Variants in LHFPL3 observed in about 807,000 individuals in gnomAD.
The protein encoded by LHFPL3 is LHFPL tetraspan subfamily member 3 protein.
LHFPL3 carries 5 observed loss-of-function variants against 19.3 expected under a neutral mutation model. That is an observed-to-expected ratio of 0.26 (90% CI 0.14 to 0.54). The LOEUF (loss-of-function observed/expected upper bound fraction) is 0.54, where lower values mean the gene tolerates loss of function less well. Ranked by LOEUF, LHFPL3 falls within the 20% of genes least tolerant of loss-of-function variation. The pLI, the probability that LHFPL3 is intolerant of heterozygous loss-of-function variation, is 0.94. For synonymous variants in LHFPL3, 133 were observed against 126.2 expected (o/e 1.05, Z -0.36); for missense variants, 249 against 307.4 (o/e 0.81, Z 1.42).
chr7:104,384,803 A>G (rs1190289642), intron 1 of LHFPL3, among the ~76,000 whole-genome samples: 1 of 151,362 alleles, frequency 6.6e-6, no homozygotes, highest in East Asian at 1.9e-4. Flanking sequence ...AAAAAAAAAA[A>G]AAAAAAAAGA....
At chr7:104,704,310 G>T (rs895356849) in intron 1 of LHFPL3, among the ~76,000 whole-genome samples, 7 of 152,076 alleles carry the variant, frequency 4.6e-5, no homozygotes, top group African/African-American at 1.7e-4. Flanking sequence ...TTTCTAGACT[G>T]CTTCAAAATT....
At chr7:104,660,684 T>C (rs551991149) in intron 1 of LHFPL3, among the ~76,000 whole-genome samples, 10 of 152,362 alleles carry the variant, frequency 6.6e-5, no homozygotes, top group African/African-American at 2.4e-4. Context: ...TAGATTATCT[T>C]GACTTCTGTC....
At chr7:104,516,152 G>A (rs1793916443) in intron 1 of LHFPL3, among the ~76,000 whole-genome samples, 1 of 152,080 alleles carries the variant, frequency 6.6e-6, no homozygotes, top group South Asian at 2.1e-4. Context: ...TACAATCATG[G>A]CAGAAGGGGA....
In LHFPL3 at chr7:104,742,740, G is replaced by C. The variant is rs896534762; in HGVS notation, c.682+5829G>C. Among the ~76,000 whole-genome samples, 10 of 152,186 alleles carry C rather than the reference G, an allele frequency of 6.6e-5. No individual in the cohort carries two copies. In the East Asian group the frequency reaches 1.9e-3, roughly 29 times the overall value. ...TTTCAATTCTATGGATATCTTCAGA[G>C]GTGTTCTTTAAAAAGAGGACATGAG... On this transcript the variant is annotated intron_variant, in intron 2 of 2. Coordinates refer to ENST00000424859, the MANE Select transcript of LHFPL3 (RefSeq NM_199000.3).
At chr7:104,874,196 G>C (rs754759542) in intron 2 of LHFPL3, among the ~76,000 whole-genome samples, 1 of 152,170 alleles carries the variant, frequency 6.6e-6, no homozygotes, top group Non-Finnish European at 1.5e-5. Context: ...TATTCAATTA[G>C]TTTGGACAAA....
chr7:104,852,631 G>C (rs1052011770), intron 2 of LHFPL3, among the ~76,000 whole-genome samples: 3 of 152,242 alleles, frequency 2.0e-5, no homozygotes, highest in African/African-American at 7.2e-5. Context: ...CTACACAAGG[G>C]CCACATGACC....
chr7:104,497,447 A>G (rs1793505983), intron 1 of LHFPL3, among the ~76,000 whole-genome samples: 1 of 152,054 alleles, frequency 6.6e-6, no homozygotes, highest in African/African-American at 2.4e-5. Context: ...TATGCAGTAA[A>G]GGTAGAACAA....
chr7:104,577,783 C>T (rs935870686), intron 1 of LHFPL3, among the ~76,000 whole-genome samples: 5 of 152,104 alleles, frequency 3.3e-5, no homozygotes, highest in Non-Finnish European at 7.4e-5. Flanking sequence ...TGGTCATTCT[C>T]ATTATTACCT....
chr7:104,872,747 C>A (rs189780891), intron 2 of LHFPL3, among the ~76,000 whole-genome samples: 2 of 152,138 alleles, frequency 1.3e-5, no homozygotes, highest in Non-Finnish European at 2.9e-5. Flanking sequence ...CAATAACACA[C>A]GGAGCTGTCA....
At chr7:104,451,576 C>T (rs1283759267) in intron 1 of LHFPL3, among the ~76,000 whole-genome samples, 1 of 151,636 alleles carries the variant, frequency 6.6e-6, no homozygotes, top group African/African-American at 2.4e-5. Flanking sequence ...TCATACCACA[C>T]ATATCATAAC....
intron 1 of LHFPL3, chr7:104,470,142 GTTGGGGATTCT>G (rs772824969): frequency 8.9e-6 from 4 of 450,944 alleles, no homozygotes; most frequent in Non-Finnish European, 1.8e-5. Flanking sequence ...CATGGGTGTT[GTTGGGGATTCT>G]TTTCCCCCTG....
intron 2 of LHFPL3, among the ~76,000 whole-genome samples, chr7:104,767,949 A>G (rs1794484688): frequency 6.6e-6 from 1 of 152,210 alleles, no homozygotes; most frequent in Non-Finnish European, 1.5e-5. Flanking sequence ...CTAAAAGCAA[A>G]TATTTCCAGA....
chr7:104,719,759 C>T (rs141388081), intron 1 of LHFPL3, among the ~76,000 whole-genome samples: 34 of 152,188 alleles, frequency 2.2e-4, no homozygotes, highest in South Asian at 1.5e-3. Context: ...ATTTCACATG[C>T]GTTGTTACTG....
chr7:104,420,087 C>T lies in LHFPL3; in HGVS notation c.445+90863C>T, dbSNP rs1437037481. 3.9e-5 allele frequency among the ~76,000 whole-genome samples: 6 copies of T among 152,154 alleles called. 1 individual carries two copies. Among genetic ancestry groups the T allele is most frequent in the Admixed American group, 3.3e-4 (5 of 15,274 alleles). On this transcript the variant is annotated intron_variant, in intron 1 of 2. Transcript: ENST00000424859. ...GAGTTCCAGGGGGCCAGAACTCAGT[C>T]GTGTGGAAGACCCCACCTGCCTAGA... is the stretch of plus-strand genomic sequence containing the variant.
intron 2 of LHFPL3, among the ~76,000 whole-genome samples, chr7:104,795,764 C>T (rs1790110981): frequency 6.6e-6 from 1 of 152,234 alleles, no homozygotes; most frequent in African/African-American, 2.4e-5. Context: ...ACACCACTCC[C>T]TCTAGCTCCA....
intron 1 of LHFPL3, among the ~76,000 whole-genome samples, chr7:104,342,648 G>C (rs1199470299): frequency 6.6e-6 from 1 of 152,064 alleles, no homozygotes. Context: ...GTTCTTTAAA[G>C]GAAAATTTTC....
At chr7:104,390,011 A>G (rs1791033572) in intron 1 of LHFPL3, among the ~76,000 whole-genome samples, 1 of 151,998 alleles carries the variant, frequency 6.6e-6, no homozygotes, top group African/African-American at 2.4e-5. Flanking sequence ...AATAAATTGG[A>G]TTTCATCAAA....
intron 1 of LHFPL3, among the ~76,000 whole-genome samples, chr7:104,613,086 G>T (rs1459376037): frequency 1.3e-5 from 2 of 152,168 alleles, no homozygotes; most frequent in Non-Finnish European, 2.9e-5. Context: ...TAACTTTTGT[G>T]TACTGGTTAT....
chr7:104,905,018 C>T (rs1302693583), intron 2 of LHFPL3, among the ~76,000 whole-genome samples: 1 of 152,174 alleles, frequency 6.6e-6, no homozygotes, highest in African/African-American at 2.4e-5. Context: ...TGCAGTGGTG[C>T]GATCTTTGCT....
Sources: gnomAD v4.1 joint callset for allele counts (sites outside exome capture counted in the v4.1 genomes callset) on GRCh38, gnomAD v4.1.1 for gene constraint, MANE v1.5 for transcripts, NCBI Gene and HGNC (gene_info 2026-07-23, HGNC 2026-07-21) for gene names.